BNC1: variants seen among roughly 807,000 people sequenced by gnomAD.
BNC1 encodes basonuclin zinc finger protein 1, also known as zinc finger protein basonuclin-1.
Under a neutral mutation model 66.5 loss-of-function variants are expected in BNC1, and 8 were observed. That is an observed-to-expected ratio of 0.12 (90% CI 0.07 to 0.22). The LOEUF (loss-of-function observed/expected upper bound fraction) is 0.22, where lower values mean the gene tolerates loss of function less well. Among genes scored for constraint, BNC1 ranks in the 10% least tolerant of loss-of-function variants. The probability of loss-of-function intolerance (pLI) is 1.00; values close to 1 mark genes in which losing one functional copy is unlikely to be tolerated. For missense variants in BNC1, 1,069 were observed against 1,241.3 expected (o/e 0.86, Z 2.09); for synonymous variants, 454 against 452.6 (o/e 1.00, Z -0.04).
In BNC1 at chr15:83,257,673, G is replaced by A; in HGVS notation, c.2754C>T (p.Ser918=). The A allele has an allele frequency of 6.2e-7, 1 of 1,614,124 alleles. No homozygotes were observed. Among genetic ancestry groups the A allele is most frequent in the South Asian group, 1.1e-5 (1 of 91,076 alleles). The change falls in exon 5 of 5, where the codon AGC becomes AGT. Residue 918 remains serine, a synonymous_variant. Transcript: ENST00000345382. ...GCAACCCAGAAGGCAGGCTAGCAAG[G>A]CTCTGGTCAGCCTTCTCCATCAGGA... ...ICVLMEKADQ[S]LASLPSGLPI... is the part of the protein sequence containing the mutation.
chr15:83,258,993 A>G (rs915402953), intron 4 of BNC1, among the ~76,000 whole-genome samples: 5 of 152,214 alleles, frequency 3.3e-5, no homozygotes, highest in Admixed American at 6.5e-5. Context: ...TGAGAATCCA[A>G]TTGGCTAGAA....
chr15:83,262,914 C>T lies in BNC1; in HGVS notation c.2300+37G>A, dbSNP rs889623695. On this transcript the variant is annotated intron_variant, in intron 4 of 4. Transcript: ENST00000345382. ...GATGCATGTTAAACTTGAAGAGCCA[C>T]TGCCTTAGAAAAAATGATTGCCTAC... The T allele has an allele frequency of 5.2e-6, 8 of 1,548,404 alleles. No individual in the cohort carries two copies. The East Asian group carries it at 1.8e-4, about 35-fold the overall frequency.
chr15:83,258,248 G>T (rs775015160), intron 4 of BNC1, 122 bp from the exon 5 acceptor site: 680 of 1,028,290 alleles, frequency 6.6e-4, no homozygotes, highest in Non-Finnish European at 8.7e-4. Context: ...CGATGATAAG[G>T]GGGTAGGCCC....
At chr15:83,268,054 TA>T in intron 2 of BNC1, 78 bp downstream of exon 2, 1 of 1,201,452 alleles carries the variant, frequency 8.3e-7, no homozygotes, top group South Asian at 1.3e-5. Flanking sequence ...ATTCTTAAGA[TA>T]TTAAATCAGT....
At chr15:83,272,646 A>G (rs2151438437) in intron 1 of BNC1, among the ~76,000 whole-genome samples, 1 of 152,318 alleles carries the variant, frequency 6.6e-6, no homozygotes, top group African/African-American at 2.4e-5. Context: ...CCTTAAGCAC[A>G]TGCTTCCTGA....
intron 1 of BNC1, among the ~76,000 whole-genome samples, chr15:83,276,128 G>C (rs1263884181): frequency 1.3e-5 from 2 of 152,164 alleles, no homozygotes; most frequent in African/African-American, 4.8e-5. Flanking sequence ...GCCTACCTCA[G>C]AGGCCTGTTA....
chr15:83,264,827 C>G lies in BNC1; in HGVS notation c.436-12G>C, dbSNP rs574314172. ...TTTCCTGATGCATCCTAAACCCAAA[C>G]CAGATGTTAGAAGTGTGATCAATTT... On this transcript the variant is annotated splice_polypyrimidine_tract_variant and intron_variant, in intron 3 of 4. Transcript: ENST00000345382. The G allele has an allele frequency of 6.2e-7, 1 of 1,607,872 alleles. No individual in the cohort carries two copies. The highest frequency in any genetic ancestry group is 1.1e-5 in the South Asian group (1 of 89,968).
At chr15:83,269,773 A>C (rs1050111539) in intron 1 of BNC1, among the ~76,000 whole-genome samples, 5 of 152,224 alleles carry the variant, frequency 3.3e-5, no homozygotes, top group Non-Finnish European at 7.3e-5. Context: ...CTTGTATATG[A>C]ATGTTCATAG....
At position 83,263,550 on chromosome 15, in the gene BNC1, C is replaced by A. The variant is rs868303999; in HGVS notation, c.1701G>T (p.Met567Ile). The A allele has an allele frequency of 1.2e-6, 2 of 1,614,124 alleles. No individual in the cohort carries two copies. Among genetic ancestry groups the A allele is most frequent in the African/African-American group, 1.3e-5 (1 of 74,938 alleles). ...KRHNLSSDED[M>I]PLQVVSEDEQ... ...CATCTTCACTGACCACCTGTAGGGG[C>A]ATGTCTTCATCTGAGCTGAGGTTGT... The change falls in exon 4 of 5, where the codon ATG becomes ATT. Residue 567 changes from methionine (M) to isoleucine (I), a missense_variant. By Grantham distance (10) the Met-to-Ile change is conservative (BLOSUM62 1). Around this residue, in one of 7 missense-constraint regions of BNC1, gnomAD observed 657 missense variants for 715.8 expected, o/e 0.92. Coordinates refer to ENST00000345382, the MANE Select transcript of BNC1 (RefSeq NM_001717.4).
Position 83,264,331 on chromosome 15 carries a change from C to G in BNC1, c.920G>C (p.Cys307Ser), listed in dbSNP as rs376566514. The G allele has an allele frequency of 2.5e-6, 4 of 1,614,130 alleles. No homozygotes were observed. The highest frequency in any genetic ancestry group is 3.3e-5 in the Admixed American group (2 of 60,028). The stretch of plus-strand genomic sequence containing the variant: ...TTCTTTTTTAGTAATAGCATCCGGA[C>G]AGTTTAAACACTGATCTTTTTCAAC... ...FQVEKDQCLN[C>S]PDAITKKEDS... Residue 307 changes from cysteine to serine, a missense_variant, in exon 4 of 5, where the codon TGT becomes TCT. By Grantham distance (112) the Cys-to-Ser change is moderately radical. Transcript: ENST00000345382.
chr15:83,283,369 G>C, intron 1 of BNC1: 1 of 1,388,536 alleles, frequency 7.2e-7, no homozygotes, highest in Non-Finnish European at 9.3e-7. Context: ...CTCCGGAGGA[G>C]CAGCGGGAGA....
chr15:83,257,595 C>T lies in BNC1; in HGVS notation c.2832G>A (p.Arg944=), dbSNP rs1375578583. Residue 944 remains arginine, a synonymous_variant, in exon 5 of 5, where the codon AGG becomes AGA. Transcript: ENST00000345382. The stretch of plus-strand genomic sequence containing the variant: ...GGAGGTGCACAGTTTTGTAGTGGGC[C>T]CTAAAGGTCCCTTTGTTACTGTATG... ...QKTYSNKGTF[R]AHYKTVHLRQ... The T allele has an allele frequency of 2.5e-6, 4 of 1,613,884 alleles. No homozygotes were observed. The highest frequency in any genetic ancestry group is 3.4e-6 in the Non-Finnish European group (4 of 1,180,008).
chr15:83,264,701 C>A lies in BNC1; in HGVS notation c.550G>T (p.Ala184Ser), dbSNP rs1414405966. The A allele has an allele frequency of 6.2e-7, 1 of 1,613,980 alleles. No homozygotes were observed. The highest frequency in any genetic ancestry group is 8.5e-7 in the Non-Finnish European group (1 of 1,180,026). ...GETKSIVELM[A>S]IQEKEEQSII... ...GATTGCTCTTCTTTCTCTTGAATTGCCATGAGTTCAACTATAGATTTGGTC... is the reference window on the plus strand; with the variant it reads ...GATTGCTCTTCTTTCTCTTGAATTGACATGAGTTCAACTATAGATTTGGTC... Residue 184 changes from alanine to serine, a missense_variant, in exon 4 of 5, where the codon GCA (alanine) becomes TCA (serine). This residue lies in a region of BNC1 where 181 missense variants were observed against 181.5 expected (regional missense o/e 1.00). Coordinates refer to ENST00000345382, the MANE Select transcript of BNC1 (RefSeq NM_001717.4).
chr15:83,275,469 C>T (rs936504446), intron 1 of BNC1, among the ~76,000 whole-genome samples: 7 of 141,176 alleles, frequency 5.0e-5, no homozygotes, highest in Admixed American at 2.3e-4. Context: ...GCACTCCAGC[C>T]TGGGCGACAG....
rs1338336764 is a variant in BNC1, at chr15:83,283,329, C to CGGCGGCGGGGCTCCGGGTCTG, written c.99+1180_99+1200dup. The CGGCGGCGGGGCTCCGGGTCTG allele has an allele frequency of 3.5e-6, 5 of 1,428,382 alleles. No homozygotes were observed. In the African/African-American group the frequency reaches 5.8e-5, roughly 16 times the overall value. The allele number at this position is 1,428,382 out of a possible 1,614,324, so 88.5% of individuals were successfully genotyped here. On this transcript the variant is annotated intron_variant, in intron 1 of 4. Transcript: ENST00000345382. ...CCCGAGGAACTCCGGCAAAGCCAGGCGGCGGCGGGGCTCCGGGTCTGGGCG... is the reference window on the plus strand; with the variant it reads ...CCCGAGGAACTCCGGCAAAGCCAGGCGGCGGCGGGGCTCCGGGTCTGGGCGGCGGGGCTCCGGGTCTGGGCG...
At chr15:83,266,812 G>A in intron 3 of BNC1, 24 bp downstream of exon 3, 1 of 1,602,274 alleles carries the variant, frequency 6.2e-7, no homozygotes. Context: ...CACCCTAGGA[G>A]GACAATGTTC....
intron 1 of BNC1, among the ~76,000 whole-genome samples, chr15:83,282,422 AG>A (rs1384095348): frequency 6.6e-6 from 1 of 152,280 alleles, no homozygotes; most frequent in South Asian, 2.1e-4. Context: ...TCATCACAAA[AG>A]GAGAAGCCAT....
rs1230313234 is a variant in BNC1 at position 83,263,186 on chromosome 15, T to C, written c.2065A>G (p.Asn689Asp). 1 of 1,614,188 alleles carries C rather than the reference T, an allele frequency of 6.2e-7. No individual in the cohort carries two copies. The highest frequency in any genetic ancestry group is 1.1e-5 in the South Asian group (1 of 91,080). Residue 689 changes from asparagine (N) to aspartate (D), a missense_variant, in exon 4 of 5, where the codon AAC becomes GAC. By Grantham distance (23) the Asn-to-Asp change is conservative. Transcript: ENST00000345382. The part of the protein sequence containing the change: ...LAGGLFSALS[N>D]RGMAFPCLED... ...AGACAAGGAAAAGCCATTCCCCTGT[T>C]GGACAAAGCACTGAAGAGTCCCCCA...
intron 3 of BNC1, 89 bp downstream of exon 3, chr15:83,266,747 T>C (rs552533871): frequency 2.5e-5 from 28 of 1,142,742 alleles, no homozygotes; most frequent in South Asian, 3.8e-5. Context: ...CCAAGGGCTG[T>C]AGCATTGGGA....
Sources: gnomAD v4.1 joint callset for allele counts (sites outside exome capture counted in the v4.1 genomes callset) on GRCh38, gnomAD v4.1.1 for gene constraint, gnomAD v4.1.1 regional missense constraint, MANE v1.5 for transcripts, NCBI Gene and HGNC (gene_info 2026-07-23, HGNC 2026-07-21) for gene names.